Variants in CNTN6 observed in about 807,000 individuals in gnomAD.
CNTN6 encodes contactin 6.
Under a neutral mutation model 122.8 loss-of-function variants are expected in CNTN6, and 137 were observed. The observed-to-expected ratio is 1.12, with a 90% CI of 0.97 to 1.29. The LOEUF (loss-of-function observed/expected upper bound fraction) is 1.29, where lower values mean the gene tolerates loss of function less well. CNTN6 is among the 50% of genes most tolerant of loss of function. The pLI is 0.00. For synonymous variants in CNTN6, 570 were observed against 426.0 expected (o/e 1.34, Z -4.16); for missense variants, 1,634 against 1,223.4 (o/e 1.34, Z -5.01).
At chr3:1,220,875 C>G (rs1559540228) in intron 3 of CNTN6, 62 bp downstream of exon 3, 2 of 1,494,684 alleles carry the variant, frequency 1.3e-6, no homozygotes, top group African/African-American at 2.8e-5. Flanking sequence ...AAAACATACA[C>G]AAAATAAAGT....
At chr3:1,106,639 C>G (rs1462384539) in intron 1 of CNTN6, among the ~76,000 whole-genome samples, 1 of 151,968 alleles carries the variant, frequency 6.6e-6, no homozygotes, top group African/African-American at 2.4e-5. Flanking sequence ...GAATAATCAC[C>G]TTTATAAATT....
chr3:1,158,938 A>C, intron 2 of CNTN6, among the ~76,000 whole-genome samples: 1 of 125,310 alleles, frequency 8.0e-6, no homozygotes, highest in African/African-American at 3.1e-5. Context: ...ATATACACAC[A>C]CACATATATA....
intron 5 of CNTN6, among the ~76,000 whole-genome samples, chr3:1,291,511 C>T (rs919796890): frequency 2.0e-5 from 3 of 152,270 alleles, no homozygotes; most frequent in Non-Finnish European, 2.9e-5. Flanking sequence ...AGAGCTAAAG[C>T]GTATTTCTCT....
chr3:1,203,830 CT>C (rs1264421865), intron 2 of CNTN6, among the ~76,000 whole-genome samples: 12 of 152,172 alleles, frequency 7.9e-5, no homozygotes, highest in African/African-American at 2.9e-4. Flanking sequence ...CGACTCCCCC[CT>C]ATGAGATGGT....
chr3:1,380,439 C>A (rs1217883921), intron 17 of CNTN6, among the ~76,000 whole-genome samples: 1 of 152,116 alleles, frequency 6.6e-6, no homozygotes, highest in African/African-American at 2.4e-5. Context: ...TTTTTAAGGG[C>A]ATGTTTATAC....
intron 2 of CNTN6, among the ~76,000 whole-genome samples, chr3:1,197,879 T>A (rs2093801315): frequency 6.6e-6 from 1 of 152,216 alleles, no homozygotes; most frequent in African/African-American, 2.4e-5. Flanking sequence ...GTAGTTACTA[T>A]TATTCTAGAA....
Position 1,295,816 on chromosome 3 carries a change from A to C in CNTN6, c.658+12A>C, listed in dbSNP as rs750464540. ...GCAGCGCACTGATGGTAAGATAATGAGTTATCTTGGGAATGTACTTTATCT... is the reference window on the plus strand; with the variant it reads ...GCAGCGCACTGATGGTAAGATAATGCGTTATCTTGGGAATGTACTTTATCT... On this transcript the variant is annotated intron_variant, in intron 6 of 22. Coordinates refer to ENST00000446702, the MANE Select transcript of CNTN6 (RefSeq NM_001289080.2). 1.9e-6 allele frequency: 3 copies of C among 1,598,582 alleles called. No individual in the cohort carries two copies. Among genetic ancestry groups the C allele is most frequent in the Non-Finnish European group, 2.6e-6 (3 of 1,166,114 alleles).
At chr3:1,247,264 C>T (rs1174856491) in intron 4 of CNTN6, among the ~76,000 whole-genome samples, 2 of 152,038 alleles carry the variant, frequency 1.3e-5, no homozygotes, top group African/African-American at 2.4e-5. Context: ...ATGAAAGATG[C>T]AGTCCTTTCT....
chr3:1,229,359 G>A (rs1359557320), intron 4 of CNTN6, among the ~76,000 whole-genome samples: 2 of 152,020 alleles, frequency 1.3e-5, no homozygotes, highest in Non-Finnish European at 2.9e-5. Context: ...GCTTGGATAG[G>A]AGATGACCCT....
chr3:1,381,494 C>A (rs1160008780), intron 17 of CNTN6, among the ~76,000 whole-genome samples: 1 of 152,032 alleles, frequency 6.6e-6, no homozygotes, highest in East Asian at 1.9e-4. Context: ...AAAAAAGTCT[C>A]AGCAAGCAGG....
chr3:1,268,606 C>CAA (rs71690299), intron 4 of CNTN6, among the ~76,000 whole-genome samples: 1,794 of 99,434 alleles, frequency 0.018, 22 homozygotes, highest in African/African-American at 0.034. Flanking sequence ...GACTCCGTCT[C>CAA]AAAAAAAAAA....
intron 1 of CNTN6, among the ~76,000 whole-genome samples, chr3:1,145,191 A>T (rs1456150827): frequency 2.0e-5 from 3 of 152,204 alleles, no homozygotes; most frequent in African/African-American, 7.2e-5. Flanking sequence ...ATACCAGATC[A>T]ACGGGTTTAT....
At chr3:1,189,724 C>T (rs2093674499) in intron 2 of CNTN6, among the ~76,000 whole-genome samples, 1 of 152,108 alleles carries the variant, frequency 6.6e-6, no homozygotes, top group African/African-American at 2.4e-5. Flanking sequence ...GAGGCCACAT[C>T]TGAACCCAAT....
At chr3:1,197,471 G>A (rs2093794369) in intron 2 of CNTN6, among the ~76,000 whole-genome samples, 1 of 152,186 alleles carries the variant, frequency 6.6e-6, no homozygotes, top group South Asian at 2.1e-4. Context: ...CAGTAAGTGG[G>A]CATTTTTATC....
At chr3:1,383,641 AAAAAC>A (rs1312276384) in intron 19 of CNTN6, among the ~76,000 whole-genome samples, 2 of 117,298 alleles carry the variant, frequency 1.7e-5, no homozygotes, top group Non-Finnish European at 4.3e-5. Context: ...CCAGTGGTAA[AAAAAC>A]AAAAACAAAA....
At chr3:1,271,021 G>A (rs1451357969) in intron 4 of CNTN6, among the ~76,000 whole-genome samples, 2 of 152,188 alleles carry the variant, frequency 1.3e-5, no homozygotes, top group Non-Finnish European at 2.9e-5. Flanking sequence ...GGGACCACAG[G>A]TACATGCCAC....
intron 22 of CNTN6, among the ~76,000 whole-genome samples, chr3:1,402,978 G>A (rs1695921143): frequency 6.6e-6 from 1 of 152,000 alleles, no homozygotes; most frequent in Non-Finnish European, 1.5e-5. Flanking sequence ...GAGTTAGCAG[G>A]CAATAATAAT....
At chr3:1,175,996 G>A (rs903682873) in intron 2 of CNTN6, among the ~76,000 whole-genome samples, 13 of 152,168 alleles carry the variant, frequency 8.5e-5, no homozygotes, top group African/African-American at 3.1e-4. Context: ...TAAATCTGGG[G>A]TGAGATTGTA....
chr3:1,337,921 G>T (rs1395848894), intron 11 of CNTN6, among the ~76,000 whole-genome samples: 1 of 151,830 alleles, frequency 6.6e-6, no homozygotes, highest in Non-Finnish European at 1.5e-5. Flanking sequence ...TATCCCCACT[G>T]ACCTCCACTG....
Sources: allele counts gnomAD v4.1 joint callset (sites outside exome capture counted in the v4.1 genomes callset), GRCh38; gene constraint gnomAD v4.1.1; transcripts MANE v1.5; gene names NCBI Gene and HGNC (gene_info 2026-07-23, HGNC 2026-07-21).